PPEF1: variants seen among roughly 807,000 people sequenced by gnomAD.
The protein encoded by PPEF1 is serine/threonine-protein phosphatase with EF-hands 1.
Under a neutral mutation model 53.3 loss-of-function variants are expected in PPEF1, and 12 were observed. The ratio of observed to expected loss-of-function variants is 0.23; its 90% CI spans 0.14 to 0.36. The LOEUF (loss-of-function observed/expected upper bound fraction) is 0.36, where lower values mean the gene tolerates loss of function less well. Ranked by LOEUF, PPEF1 falls within the 10% of genes least tolerant of loss-of-function variation. The probability of loss-of-function intolerance (pLI) is 1.00; values close to 1 mark genes in which losing one functional copy is unlikely to be tolerated. For synonymous variants in PPEF1, 165 were observed against 176.7 expected (o/e 0.93, Z 0.52); for missense variants, 334 against 490.4 (o/e 0.68, Z 3.01).
At chrX:18,817,385 A>G (rs990673912) in intron 12 of PPEF1, among the ~76,000 whole-genome samples, 1 of 109,830 alleles carries the variant, frequency 9.1e-6, no homozygotes, top group African/African-American at 3.3e-5. Flanking sequence ...TCTATTGCCC[A>G]GGCTGGAGTG....
intron 3 of PPEF1, among the ~76,000 whole-genome samples, chrX:18,745,142 A>T (rs1430851041): frequency 1.1e-5 from 1 of 94,241 alleles, no homozygotes; most frequent in Non-Finnish European, 2.0e-5. Flanking sequence ...ATTATATTAT[A>T]TATATTATAT....
chrX:18,740,644 C>T (rs748681950), intron 3 of PPEF1, among the ~76,000 whole-genome samples: 13 of 110,728 alleles, frequency 1.2e-4, no homozygotes, highest in Non-Finnish European at 2.1e-4. Context: ...CCCCTGACCT[C>T]GTGATCTGCC....
chrX:18,707,714 C>T lies in PPEF1; in HGVS notation c.-67C>T, dbSNP rs2044231089. On this transcript the variant is annotated 5_prime_UTR_variant, in exon 1 of 16. Transcript: ENST00000470157. ...TGGTTCCTCGCAGCTTAAAGGGAGG[C>T]ACTTTTCACACTCTGTCTTAAAATC... 6 of 1,032,054 alleles carry T rather than the reference C, an allele frequency of 5.8e-6. No homozygotes were observed. The East Asian group carries it at 1.8e-4, about 31-fold the overall frequency. 85.1% of individuals were successfully genotyped at this position (1,032,054 alleles called of 1,213,427 possible).
upstream of PPEF1, among the ~76,000 whole-genome samples, chrX:18,680,436 T>TTTTA (rs1928836386): frequency 1.0e-5 from 1 of 96,255 alleles, no homozygotes; most frequent in Non-Finnish European, 2.1e-5. Context: ...TCTCTTTTTT[T>TTTTA]TTTTTTTTTT....
chrX:18,682,520 C>T (rs752626673), upstream of PPEF1, among the ~76,000 whole-genome samples: 14 of 111,647 alleles, frequency 1.3e-4, no homozygotes, highest in Non-Finnish European at 1.7e-4. Context: ...GAGGATGGAG[C>T]GGACACCAAG....
At chrX:18,692,289 T>C (rs1488289416) in intron 4 of PPEF1, among the ~76,000 whole-genome samples, 1 of 111,981 alleles carries the variant, frequency 8.9e-6, no homozygotes, top group Non-Finnish European at 1.9e-5. Flanking sequence ...TGTCCGACTC[T>C]TGTACCCTTT....
chrX:18,745,218 A>C (rs2045305536), intron 3 of PPEF1, among the ~76,000 whole-genome samples: 1 of 94,110 alleles, frequency 1.1e-5, no homozygotes, highest in Non-Finnish European at 2.1e-5. Context: ...TTATATATAT[A>C]TATATTTATT....
chrX:18,821,782 AGAGAGAGAGAGAGAGAG>A (rs1569273810), intron 13 of PPEF1, among the ~76,000 whole-genome samples: 9 of 104,330 alleles, frequency 8.6e-5, no homozygotes, highest in East Asian at 3.0e-4. Context: ...AGAGAGAGAG[AGAGAGAGAGAGAGAGAG>A]AGAGAAAACA....
chrX:18,684,571 CCT>C (rs1455927513), intron 1 of PPEF1, among the ~76,000 whole-genome samples: 1 of 110,248 alleles, frequency 9.1e-6, no homozygotes, highest in African/African-American at 3.3e-5. Flanking sequence ...TTTGTCTCCC[CCT>C]CTCTTACTTA....
intron 1 of PPEF1, among the ~76,000 whole-genome samples, chrX:18,725,351 A>T (rs1425614280): frequency 8.9e-6 from 1 of 111,941 alleles, no homozygotes; most frequent in Non-Finnish European, 1.9e-5. Context: ...CACAGAACTG[A>T]AGCCCAGACC....
Position 18,814,235 on chromosome X carries a change from A to G in PPEF1, c.1395-3804A>G, listed in dbSNP as rs751283506. On this transcript the variant is annotated intron_variant, in intron 12 of 15. Coordinates refer to ENST00000470157, the MANE Select transcript of PPEF1 (RefSeq NM_001377996.1). The stretch of plus-strand genomic sequence containing the variant: ...ATATGTATTGCATTTTCATTATCCA[A>G]TCCACCATTGATGGACACCTAGGTT... 8.0e-5 allele frequency among the ~76,000 whole-genome samples: 9 copies of G among 112,073 alleles called. 1 individual carries two copies. The South Asian group carries it at 2.6e-3, about 33-fold the overall frequency.
rs935031666 is a variant in PPEF1, at chrX:18,827,193, A to G, written c.1751-83A>G. On this transcript the variant is annotated intron_variant, in intron 15 of 15. Transcript: ENST00000470157. ...GTTTAGTGAGTTTCTAACTGGGGCT[A>G]TTTAATCAGTGTGGGTTCCCCAACC... The G allele has an allele frequency of 1.0e-5, 8 of 790,057 alleles. No homozygotes were observed. In the African/African-American group the frequency reaches 1.2e-4, roughly 12 times the overall value. The allele number at this position is 790,057 out of a possible 1,213,427, so 65.1% of individuals were successfully genotyped here.
chrX:18,797,289 A>G (rs1302392723), intron 10 of PPEF1, among the ~76,000 whole-genome samples: 1 of 111,748 alleles, frequency 8.9e-6, no homozygotes, highest in Non-Finnish European at 1.9e-5. Context: ...TATACTCTTT[A>G]TTTTGTCTTG....
intron 1 of PPEF1, among the ~76,000 whole-genome samples, chrX:18,727,474 C>T (rs1034868503): frequency 1.8e-5 from 2 of 110,275 alleles, no homozygotes; most frequent in African/African-American, 6.6e-5. Flanking sequence ...ATCTTTTTCC[C>T]CTAACCATTT....
chrX:18,802,785 A>C (rs2046573359), intron 10 of PPEF1, among the ~76,000 whole-genome samples: 1 of 111,645 alleles, frequency 9.0e-6, no homozygotes, highest in Non-Finnish European at 1.9e-5. Context: ...AGTTCTTTTA[A>C]GAGAAAAGAA....
chrX:18,744,303 C>T, intron 3 of PPEF1, among the ~76,000 whole-genome samples: 1 of 112,094 alleles, frequency 8.9e-6, no homozygotes, highest in Non-Finnish European at 1.9e-5. Context: ...ACGTTGGGTA[C>T]TCTGAAGATA....
At position 18,773,700 on chromosome X, in the gene PPEF1, A is replaced by G. The variant is rs187267693; in HGVS notation, c.559-5310A>G. ...ACTAGTGGTTACCTTCCCACTTCTGACATTTCTGGTAAATAATGTATATGT... is the reference window on the plus strand; with the variant it reads ...ACTAGTGGTTACCTTCCCACTTCTGGCATTTCTGGTAAATAATGTATATGT... On this transcript the variant is annotated intron_variant, in intron 6 of 15. Coordinates refer to ENST00000470157, the MANE Select transcript of PPEF1 (RefSeq NM_001377996.1). 7.8e-4 allele frequency among the ~76,000 whole-genome samples: 87 copies of G among 111,656 alleles called. 1 individual carries two copies. Among genetic ancestry groups the G allele is most frequent in the Admixed American group, 7.1e-3 (74 of 10,431 alleles).
intron 3 of PPEF1, among the ~76,000 whole-genome samples, chrX:18,747,188 G>A (rs1042222566): frequency 9.0e-6 from 1 of 111,484 alleles, no homozygotes; most frequent in Admixed American, 9.6e-5. Flanking sequence ...CGCCAGTGTG[G>A]GGGAGATGCA....
At chrX:18,815,115 T>C (rs1399896178) in intron 12 of PPEF1, among the ~76,000 whole-genome samples, 1 of 111,861 alleles carries the variant, frequency 8.9e-6, no homozygotes, top group African/African-American at 3.2e-5. Flanking sequence ...CCTTTCCCCA[T>C]TGTTTATTTG....
Sources: gnomAD v4.1 joint callset for allele counts (sites outside exome capture counted in the v4.1 genomes callset) on GRCh38, gnomAD v4.1.1 for gene constraint, MANE v1.5 for transcripts, NCBI Gene and HGNC (gene_info 2026-07-23, HGNC 2026-07-21) for gene names.